Variants in ARHGAP12 observed in about 807,000 individuals in gnomAD.
The protein encoded by ARHGAP12 is rho GTPase-activating protein 12.
A neutral mutation model predicts 108.6 loss-of-function variants in ARHGAP12; 64 were observed. The observed-to-expected ratio is 0.59, with a 90% CI of 0.48 to 0.73. The LOEUF is 0.73. Among genes scored for constraint, ARHGAP12 ranks in the 30% least tolerant of loss-of-function variants. The probability of loss-of-function intolerance (pLI) is 0.00; values close to 1 mark genes in which losing one functional copy is unlikely to be tolerated. For synonymous variants in ARHGAP12, 312 were observed against 337.2 expected, an observed-to-expected ratio of 0.93 and a Z score of 0.82; for missense variants, 940 against 1,005.9, an observed-to-expected ratio of 0.93 and a Z score of 0.89.
At chr10:31,837,630 G>A (rs898090115) in intron 9 of ARHGAP12, among the ~76,000 whole-genome samples, 3 of 152,158 alleles carry the variant, frequency 2.0e-5, no homozygotes, top group Non-Finnish European at 2.9e-5. Flanking sequence ...TCTAGGCAGG[G>A]GTACTGCCTA....
intron 6 of ARHGAP12, among the ~76,000 whole-genome samples, chr10:31,844,699 T>G (rs1030392777): frequency 1.1e-5 from 1 of 89,616 alleles, no homozygotes; most frequent in African/African-American, 3.9e-5. Flanking sequence ...ACACTTGGCT[T>G]TTTTTTTTTT....
At chr10:31,922,329 A>G (rs1055141250) in intron 1 of ARHGAP12, among the ~76,000 whole-genome samples, 2 of 152,054 alleles carry the variant, frequency 1.3e-5, no homozygotes, top group African/African-American at 4.8e-5. Context: ...TCCTGAAGAC[A>G]TCAAAAGGAA....
At chr10:31,907,344 A>C (rs1056853375) in intron 3 of ARHGAP12, among the ~76,000 whole-genome samples, 1 of 152,092 alleles carries the variant, frequency 6.6e-6, no homozygotes, top group African/African-American at 2.4e-5. Context: ...AAGAAAAAAA[A>C]AAGCCAGGTA....
chr10:31,861,303 C>T, intron 4 of ARHGAP12, 92 bp downstream of exon 4: 2 of 1,428,238 alleles, frequency 1.4e-6, no homozygotes, highest in Non-Finnish European at 9.4e-7. Flanking sequence ...AACATGCTGA[C>T]AGTAAGAAAC....
At chr10:31,856,414 G>A (rs914799029) in intron 4 of ARHGAP12, among the ~76,000 whole-genome samples, 7 of 152,084 alleles carry the variant, frequency 4.6e-5, no homozygotes, top group Non-Finnish European at 8.8e-5. Context: ...ACAATACAGA[G>A]CTGGAAACGC....
intron 3 of ARHGAP12, among the ~76,000 whole-genome samples, chr10:31,878,312 G>A (rs1475505446): frequency 1.3e-5 from 2 of 152,142 alleles, no homozygotes; most frequent in Admixed American, 6.5e-5. Context: ...GACAGGCCAT[G>A]ACCGTTTACA....
chr10:31,921,099 C>T (rs1004289342), intron 1 of ARHGAP12, among the ~76,000 whole-genome samples: 2 of 151,792 alleles, frequency 1.3e-5, no homozygotes, highest in East Asian at 3.9e-4. Context: ...GAGTTTTGAA[C>T]TCCTGGTGAG....
intron 1 of ARHGAP12, among the ~76,000 whole-genome samples, chr10:31,918,179 C>T (rs573570624): frequency 1.2e-4 from 19 of 152,076 alleles, no homozygotes; most frequent in Admixed American, 9.8e-4. Context: ...AATTTAAATG[C>T]ATTTTTGACT....
intron 3 of ARHGAP12, among the ~76,000 whole-genome samples, chr10:31,886,862 A>G (rs534209428): frequency 6.6e-6 from 1 of 152,344 alleles, no homozygotes; most frequent in South Asian, 2.1e-4. Flanking sequence ...CCCAGACACG[A>G]ACACAAGAAC....
At chr10:31,902,789 G>A (rs1183937513) in intron 3 of ARHGAP12, among the ~76,000 whole-genome samples, 13 of 152,076 alleles carry the variant, frequency 8.5e-5, no homozygotes, top group Non-Finnish European at 1.9e-4. Context: ...TTAACTGTAT[G>A]TGTCAAATGG....
chr10:31,806,713 C>G lies in ARHGAP12; in HGVS notation c.*945G>C, dbSNP rs1231621048. ...TGTAGTTAATATCTAAAAGTGCACA[C>G]AGTTAACTTTCCCAAATAACGGACT... On this transcript the variant is annotated 3_prime_UTR_variant, in exon 20 of 20. Transcript: ENST00000344936. The G allele has an allele frequency of 6.6e-6, 1 of 152,460 alleles. No individual in the cohort carries two copies. Among genetic ancestry groups the G allele is most frequent in the Non-Finnish European group, 1.5e-5 (1 of 67,992 alleles). The allele number at this position is 152,460 out of a possible 1,614,324, so 9.4% of individuals were successfully genotyped here.
chr10:31,826,340 T>G lies in ARHGAP12; in HGVS notation c.1494A>C (p.Leu498Phe), dbSNP rs1363464807. 1.2e-6 allele frequency: 2 copies of G among 1,612,740 alleles called. No homozygotes were observed. The highest frequency in any genetic ancestry group is 4.5e-5 in the East Asian group (2 of 44,832). The change falls in exon 11 of 20, where the codon TTA (leucine) becomes TTC (phenylalanine). Residue 498 changes from leucine (L) to phenylalanine (F), a missense_variant. By Grantham distance (22) the Leu-to-Phe change is conservative (BLOSUM62 0). Transcript: ENST00000344936. ...SSWAVLQGSS[L>F]LFTKTQGSST... is the part of the protein sequence containing the mutation. ...TACTTCCTTGAGTTTTGGTAAAAAG[T>G]AAAGATGAACCCTGCAACACCGCCC...
At chr10:31,903,772 C>A (rs1048832973) in intron 3 of ARHGAP12, among the ~76,000 whole-genome samples, 15 of 149,774 alleles carry the variant, frequency 1.0e-4, no homozygotes, top group Non-Finnish European at 1.3e-4. Context: ...GTAAAAAAAA[C>A]CAAACAATCC....
chr10:31,908,833 C>T lies in ARHGAP12; in HGVS notation c.23G>A (p.Gly8Glu). 6.3e-7 allele frequency: 1 copy of T among 1,595,112 alleles called. No homozygotes were observed. The highest frequency in any genetic ancestry group is 8.5e-7 in the Non-Finnish European group (1 of 1,175,070). ...ATACACTTGTCCTGGAATAATCTTC[C>T]CACTTCTGTCAGCCATTTTCATTCA... Reference protein sequence around the residue: MKMADRSGKIIPGQVYIE... With the variant: MKMADRSEKIIPGQVYIE... The change falls in exon 3 of 20, where the codon GGG (glycine) becomes GAG (glutamate). Residue 8 changes from glycine to glutamate, a missense_variant. By Grantham distance (98) the Gly-to-Glu change is moderately conservative. Transcript: ENST00000344936.
At chr10:31,875,361 T>C (rs1190634878) in intron 3 of ARHGAP12, among the ~76,000 whole-genome samples, 1 of 152,190 alleles carries the variant, frequency 6.6e-6, no homozygotes, top group African/African-American at 2.4e-5. Context: ...GAAGGGTTCA[T>C]TCAAGATCAC....
At chr10:31,864,558 T>G (rs906345327) in intron 3 of ARHGAP12, among the ~76,000 whole-genome samples, 2 of 152,214 alleles carry the variant, frequency 1.3e-5, no homozygotes, top group Admixed American at 6.5e-5. Flanking sequence ...ACAGGAGCAC[T>G]TAATGTAATT....
intron 9 of ARHGAP12, among the ~76,000 whole-genome samples, chr10:31,834,906 G>C (rs1835955923): frequency 6.6e-6 from 1 of 152,000 alleles, no homozygotes; most frequent in Non-Finnish European, 1.5e-5. Flanking sequence ...TAAGAGTTAG[G>C]AAAAACATTT....
At chr10:31,891,673 T>G (rs1369997837) in intron 3 of ARHGAP12, among the ~76,000 whole-genome samples, 1 of 152,196 alleles carries the variant, frequency 6.6e-6, no homozygotes, top group Non-Finnish European at 1.5e-5. Context: ...TTCTGCAGAG[T>G]GTTTTCCAAC....
At chr10:31,819,190 T>G (rs1244407031) in intron 12 of ARHGAP12, among the ~76,000 whole-genome samples, 1 of 152,110 alleles carries the variant, frequency 6.6e-6, no homozygotes, top group Non-Finnish European at 1.5e-5. Context: ...TGGTGATGCT[T>G]GTCATGAGTC....
Sources: allele counts gnomAD v4.1 joint callset (sites outside exome capture counted in the v4.1 genomes callset), GRCh38; gene constraint gnomAD v4.1.1; transcripts MANE v1.5; gene names NCBI Gene and HGNC (gene_info 2026-07-23, HGNC 2026-07-21).